HDDC2: variants seen among roughly 807,000 people sequenced by gnomAD.
The protein encoded by HDDC2 is 5'-deoxynucleotidase HDDC2.
Under a neutral mutation model 25.5 loss-of-function variants are expected in HDDC2, and 25 were observed. That is an observed-to-expected ratio of 0.98 (90% CI 0.72 to 1.37). HDDC2 has a LOEUF of 1.37. Among genes scored for constraint, HDDC2 ranks in the 40% most tolerant of loss-of-function variants. HDDC2 has a pLI of 0.00. For synonymous variants in HDDC2, 106 were observed against 89.7 expected, an observed-to-expected ratio of 1.18 and a Z score of -1.03; for missense variants, 264 against 253.1, an observed-to-expected ratio of 1.04 and a Z score of -0.29.
chr6:125,292,773 G>A (rs1430168525), intron 4 of HDDC2, 68 bp downstream of exon 4: 6 of 1,187,912 alleles, frequency 5.1e-6, no homozygotes, highest in Non-Finnish European at 7.6e-6. Context: ...TCTAAGTCAA[G>A]TACAACATCA....
intron 3 of HDDC2, among the ~76,000 whole-genome samples, chr6:125,293,597 G>C (rs1798662483): frequency 6.6e-6 from 1 of 152,114 alleles, no homozygotes; most frequent in South Asian, 2.1e-4. Flanking sequence ...AGGGAGCCTA[G>C]TACCTCAAGA....
chr6:125,301,796 G>A, intron 1 of HDDC2, 53 bp downstream of exon 1: 15 of 1,353,410 alleles, frequency 1.1e-5, no homozygotes, highest in Non-Finnish European at 1.5e-5. Flanking sequence ...AAGCTCCGCC[G>A]CCCCACAGTC....
At position 125,277,113 on chromosome 6, in the gene HDDC2, T is replaced by A; in HGVS notation, c.506A>T (p.Asp169Val). Residue 169 changes from aspartate (D) to valine (V), a missense_variant, in exon 5 of 6, where the codon GAT becomes GTT. By Grantham distance (152) the Asp-to-Val change is radical. Coordinates refer to ENST00000398153, the MANE Select transcript of HDDC2 (RefSeq NM_016063.3). Reference sequence around the variant, plus strand: ...ATGGTGTTGAGTACCTGCTGTGGAATCATAGAAGTCTTGCAGTCTCCCAGG... The same window carrying A: ...ATGGTGTTGAGTACCTGCTGTGGAAACATAGAAGTCTTGCAGTCTCCCAGG... ...HKPGRLQDFY[D>V]STAGKFNHPE... 6.2e-7 allele frequency: 1 copy of A among 1,614,096 alleles called. No homozygotes were observed. The highest frequency in any genetic ancestry group is 8.5e-7 in the Non-Finnish European group (1 of 1,179,992).
chr6:125,287,535 G>C (rs1251553031), intron 4 of HDDC2, among the ~76,000 whole-genome samples: 2 of 152,198 alleles, frequency 1.3e-5, no homozygotes, highest in East Asian at 3.8e-4. Flanking sequence ...AACTGGCACA[G>C]GCATGAGGCT....
chr6:125,299,812 T>C (rs1037139195), intron 2 of HDDC2, among the ~76,000 whole-genome samples: 1 of 152,166 alleles, frequency 6.6e-6, no homozygotes, highest in African/African-American at 2.4e-5. Flanking sequence ...AAAATACTCC[T>C]TTACTTTCCT....
At chr6:125,278,192 T>A (rs193210507) in intron 4 of HDDC2, 1 of 152,232 alleles carries the variant, frequency 6.6e-6, no homozygotes, top group African/African-American at 2.4e-5. Flanking sequence ...AGGCAGCTAC[T>A]TGGATTTGAT....
At chr6:125,287,575 G>T (rs1481140183) in intron 4 of HDDC2, among the ~76,000 whole-genome samples, 3 of 152,206 alleles carry the variant, frequency 2.0e-5, no homozygotes, top group African/African-American at 7.2e-5. Context: ...GGACAATTAG[G>T]TGTAACTGTT....
At position 125,298,814 on chromosome 6, in the gene HDDC2, C is replaced by T; in HGVS notation, c.209G>A (p.Cys70Tyr). Residue 70 changes from cysteine (C) to tyrosine (Y), a missense_variant and splice_region_variant, in exon 3 of 6, where the codon TGT (cysteine) becomes TAT (tyrosine). Coordinates refer to ENST00000398153, the MANE Select transcript of HDDC2 (RefSeq NM_016063.3). ...ATCATGAACCAGGGCTAGGCGTACA[C>T]ATCTGATCAGGCAAGAAATGTCGAA... Reference protein sequence around the residue: ...IKDDRLNKDRCVRLALVHDMA... With the variant: ...IKDDRLNKDRYVRLALVHDMA... 6.2e-7 allele frequency: 1 copy of T among 1,610,668 alleles called. No individual in the cohort carries two copies. Among genetic ancestry groups the T allele is most frequent in the Non-Finnish European group, 8.5e-7 (1 of 1,176,990 alleles).
intron 4 of HDDC2, among the ~76,000 whole-genome samples, chr6:125,287,599 G>C (rs1028642904): frequency 2.0e-5 from 3 of 152,170 alleles, no homozygotes; most frequent in African/African-American, 7.2e-5. Flanking sequence ...GAGGCTGCTG[G>C]ATTTACATGT....
intron 1 of HDDC2, among the ~76,000 whole-genome samples, chr6:125,300,979 G>A (rs1798791971): frequency 6.6e-6 from 1 of 152,102 alleles, no homozygotes; most frequent in South Asian, 2.1e-4. Context: ...TTCCGAACAA[G>A]AGTTGCGGCT....
chr6:125,289,404 C>T (rs1249641073), intron 4 of HDDC2, among the ~76,000 whole-genome samples: 2 of 132,342 alleles, frequency 1.5e-5, no homozygotes, highest in African/African-American at 3.1e-5. Context: ...GTGGGTGCAG[C>T]GCACCAGCAT....
At chr6:125,288,129 C>A (rs1798570296) in intron 4 of HDDC2, among the ~76,000 whole-genome samples, 1 of 152,196 alleles carries the variant, frequency 6.6e-6, no homozygotes, top group African/African-American at 2.4e-5. Flanking sequence ...TGCAAGGCTT[C>A]TAAAAAGCTG....
chr6:125,276,988 A>T, intron 5 of HDDC2, 114 bp downstream of exon 5: 1 of 1,003,872 alleles, frequency 1.0e-6, no homozygotes. Context: ...TAGATGCTCC[A>T]CATGAAAGGG....
At chr6:125,294,856 T>C (rs775838694) in intron 3 of HDDC2, among the ~76,000 whole-genome samples, 2 of 152,220 alleles carry the variant, frequency 1.3e-5, no homozygotes, top group Non-Finnish European at 2.9e-5. Flanking sequence ...TCACATCCAA[T>C]TACTAAGTTA....
chr6:125,277,569 AC>A (rs1456781039), intron 4 of HDDC2: 5 of 216,798 alleles, frequency 2.3e-5, no homozygotes, highest in Admixed American at 1.1e-4. Flanking sequence ...TCTTTAATCT[AC>A]CTAAGTAGTT....
intron 2 of HDDC2, 57 bp from the exon 3 acceptor site, chr6:125,298,873 T>C: frequency 8.7e-7 from 1 of 1,143,668 alleles, no homozygotes; most frequent in South Asian, 1.3e-5. Context: ...TACAAGTTCC[T>C]TCTCTATACT....
chr6:125,286,029 C>G (rs1798529251), intron 4 of HDDC2, among the ~76,000 whole-genome samples: 1 of 152,022 alleles, frequency 6.6e-6, no homozygotes, highest in South Asian at 2.1e-4. Context: ...TTAAGATATT[C>G]AAGAAAAGAA....
intron 4 of HDDC2, among the ~76,000 whole-genome samples, chr6:125,290,725 C>A (rs995705113): frequency 6.6e-6 from 1 of 152,190 alleles, no homozygotes; most frequent in African/African-American, 2.4e-5. Context: ...TAGAAAGAGG[C>A]AAGGAAGAAT....
At chr6:125,290,403 A>T (rs1318322001) in intron 4 of HDDC2, among the ~76,000 whole-genome samples, 1 of 152,236 alleles carries the variant, frequency 6.6e-6, no homozygotes, top group Non-Finnish European at 1.5e-5. Context: ...TCTGAAACTT[A>T]TGTACCAACA....
Sources: allele counts gnomAD v4.1 joint callset (sites outside exome capture counted in the v4.1 genomes callset), GRCh38; gene constraint gnomAD v4.1.1; transcripts MANE v1.5; gene names NCBI Gene and HGNC (gene_info 2026-07-23, HGNC 2026-07-21).